The following TAB2 variants were observed in gnomAD, a reference collection of about 807,000 sequenced individuals.
TAB2 encodes the protein TGF-beta activated kinase 1 (MAP3K7) binding protein 2.
A neutral mutation model predicts 65.0 loss-of-function variants in TAB2; 3 were observed. The observed-to-expected ratio is 0.05, with a 90% CI of 0.02 to 0.12. The LOEUF (loss-of-function observed/expected upper bound fraction) is 0.12, where lower values mean the gene tolerates loss of function less well. TAB2 is among the 10% of genes least tolerant of loss of function. The pLI, the probability that TAB2 is intolerant of heterozygous loss-of-function variation, is 1.00. For synonymous variants in TAB2, 298 were observed against 285.1 expected (o/e 1.05, Z -0.46); for missense variants, 623 against 840.3 (o/e 0.74, Z 3.20).
At chr6:149,248,471 A>AAGAAAAGAAGGAAGGAAG (rs1777784262) in intron 1 of TAB2, among the ~76,000 whole-genome samples, 1 of 114,476 alleles carries the variant, frequency 8.7e-6, no homozygotes, top group Non-Finnish European at 1.9e-5. Context: ...AAGGAAGGAA[A>AAGAAAAGAAGGAAGGAAG]GAAAGAAAGA....
At chr6:149,309,868 G>C (rs1562408686) in intron 1 of TAB2, among the ~76,000 whole-genome samples, 1 of 122,436 alleles carries the variant, frequency 8.2e-6, no homozygotes, top group African/African-American at 3.7e-5. Context: ...CACACTGTGT[G>C]TGTGTGTGGG....
intron 1 of TAB2, among the ~76,000 whole-genome samples, chr6:149,251,365 T>C (rs1005461141): frequency 6.6e-6 from 1 of 152,092 alleles, no homozygotes; most frequent in Non-Finnish European, 1.5e-5. Context: ...GGAAAGGTGG[T>C]CATCACCCCA....
chr6:149,254,255 T>G (rs556886435), intron 1 of TAB2, among the ~76,000 whole-genome samples: 1 of 152,310 alleles, frequency 6.6e-6, no homozygotes, highest in Admixed American at 6.5e-5. Context: ...AAGTCATCTA[T>G]GGAGGAGTAC....
chr6:149,317,071 G>A (rs1779273644), upstream of TAB2, among the ~76,000 whole-genome samples: 1 of 150,384 alleles, frequency 6.6e-6, no homozygotes, highest in East Asian at 2.0e-4. This position sits in a 1 kb window ranked among gnomAD's most constrained non-coding sequence, Gnocchi z 4.7. Flanking sequence ...CCACCCGCGC[G>A]GCGCCGCCGG....
chr6:149,295,691 C>T (rs922512951), intron 1 of TAB2, among the ~76,000 whole-genome samples: 5 of 151,984 alleles, frequency 3.3e-5, no homozygotes, highest in African/African-American at 1.2e-4. Context: ...TTTTAATTTG[C>T]TTTTGGTAGT....
chr6:149,401,092 C>T (rs1253326985), intron 6 of TAB2: 1 of 176,554 alleles, frequency 5.7e-6, no homozygotes, highest in Admixed American at 6.2e-5. Flanking sequence ...GGAGGATTTT[C>T]ATGTTTTTCA....
intron 1 of TAB2, among the ~76,000 whole-genome samples, chr6:149,228,293 C>T (rs565959377): frequency 3.3e-5 from 5 of 152,314 alleles, no homozygotes; most frequent in South Asian, 2.1e-4. Flanking sequence ...ATTTGCAATG[C>T]GGCTAAGTGT....
intron 1 of TAB2, among the ~76,000 whole-genome samples, chr6:149,276,959 T>A (rs761359013): frequency 1.3e-5 from 2 of 152,202 alleles, no homozygotes; most frequent in African/African-American, 4.8e-5. Context: ...GTTTCCCCCA[T>A]ACTGTTCTCT....
At chr6:149,250,342 G>T (rs1287722183) in intron 1 of TAB2, among the ~76,000 whole-genome samples, 1 of 151,362 alleles carries the variant, frequency 6.6e-6, no homozygotes, top group Non-Finnish European at 1.5e-5. Flanking sequence ...TCTAGCTCTT[G>T]TCACCCAGGC....
intron 1 of TAB2, among the ~76,000 whole-genome samples, chr6:149,359,115 A>G (rs147494886): frequency 6.6e-6 from 1 of 152,236 alleles, no homozygotes; most frequent in African/African-American, 2.4e-5. Context: ...TTAATCATCT[A>G]ATTAATGTTC....
intron 1 of TAB2, among the ~76,000 whole-genome samples, chr6:149,320,102 A>G (rs566228675): frequency 2.6e-5 from 4 of 152,292 alleles, no homozygotes; most frequent in African/African-American, 9.6e-5. Flanking sequence ...GTTTTGAGAC[A>G]GTCTCGCTCT....
At chr6:149,283,140 C>G (rs368263234) in intron 1 of TAB2, among the ~76,000 whole-genome samples, 2 of 152,188 alleles carry the variant, frequency 1.3e-5, no homozygotes, top group East Asian at 3.8e-4. Flanking sequence ...CGGGTGACAC[C>G]GTTCACCAGC....
intron 1 of TAB2, among the ~76,000 whole-genome samples, chr6:149,345,016 A>T (rs1466006804): frequency 6.6e-6 from 1 of 152,130 alleles, no homozygotes; most frequent in African/African-American, 2.4e-5. Flanking sequence ...TATTGTGTTT[A>T]TTGGGAGACT....
intron 1 of TAB2, among the ~76,000 whole-genome samples, chr6:149,281,864 A>T (rs1562399147): frequency 6.6e-6 from 1 of 152,174 alleles, no homozygotes. Context: ...AATACACTTT[A>T]TATATAAAGA....
intron 3 of TAB2, among the ~76,000 whole-genome samples, chr6:149,380,732 T>C (rs1269913547): frequency 1.3e-5 from 2 of 152,192 alleles, no homozygotes; most frequent in Non-Finnish European, 2.9e-5. Flanking sequence ...CAGCTGTAGG[T>C]TGGAAAATAC....
chr6:149,252,907 G>C (rs148827188), intron 1 of TAB2, among the ~76,000 whole-genome samples: 1 of 152,130 alleles, frequency 6.6e-6, no homozygotes, highest in Admixed American at 6.6e-5. Context: ...TTGGTCCCAC[G>C]AGGAGAAGCT....
intron 1 of TAB2, among the ~76,000 whole-genome samples, chr6:149,277,346 A>AT (rs1053563950): frequency 4.6e-4 from 70 of 152,180 alleles, no homozygotes; most frequent in Admixed American, 1.4e-3. Context: ...CCATGTGGCT[A>AT]TTTTTTTTAA....
chr6:149,251,910 G>A (rs1236889466), intron 1 of TAB2, among the ~76,000 whole-genome samples: 3 of 152,122 alleles, frequency 2.0e-5, no homozygotes, highest in Admixed American at 1.3e-4. Context: ...AGCAAGCAAA[G>A]AAGGAATTAA....
intron 1 of TAB2, among the ~76,000 whole-genome samples, chr6:149,236,032 A>G (rs1472178127): frequency 6.6e-6 from 1 of 152,254 alleles, no homozygotes; most frequent in Admixed American, 6.5e-5. Context: ...CTCAAAATGC[A>G]GAAATACTTT....
Sources: gnomAD v4.1 joint callset for allele counts (sites outside exome capture counted in the v4.1 genomes callset) on GRCh38, gnomAD v4.1.1 for gene constraint, Gnocchi (gnomAD v3.1) non-coding constraint, MANE v1.5 for transcripts, NCBI Gene and HGNC (gene_info 2026-07-23, HGNC 2026-07-21) for gene names.